The following PRRC2B variants were observed in gnomAD, a reference collection of about 807,000 sequenced individuals.
PRRC2B encodes proline rich coiled-coil 2B.
A neutral mutation model predicts 242.3 loss-of-function variants in PRRC2B; 68 were observed. The ratio of observed to expected loss-of-function variants is 0.28; its 90% CI spans 0.23 to 0.34. The LOEUF is 0.34. Among genes scored for constraint, PRRC2B ranks in the 10% least tolerant of loss-of-function variants. The pLI is 1.00. For missense variants in PRRC2B, 2,835 were observed against 2,954.8 expected, an observed-to-expected ratio of 0.96 and a Z score of 0.94; for synonymous variants, 1,228 against 1,173.6, an observed-to-expected ratio of 1.05 and a Z score of -0.95.
At chr9:131,422,475 G>A (rs1221155126) in intron 1 of PRRC2B, among the ~76,000 whole-genome samples, 4 of 152,190 alleles carry the variant, frequency 2.6e-5, no homozygotes, top group African/African-American at 9.6e-5. Flanking sequence ...GGCTTAGCAG[G>A]GTGCCTGGCC....
At chr9:131,424,532 G>A (rs1588243512) in intron 1 of PRRC2B, among the ~76,000 whole-genome samples, 2 of 151,956 alleles carry the variant, frequency 1.3e-5, no homozygotes, top group East Asian at 1.9e-4. Flanking sequence ...ACTAAAATAC[G>A]AAAATTAGCT....
At chr9:131,455,216 T>G (rs41306716) in intron 10 of PRRC2B, 50 bp downstream of exon 10, 14,151 of 1,298,826 alleles carry the variant, frequency 0.011, 171 homozygotes, top group Non-Finnish European at 0.01. Flanking sequence ...CTGCTTAGTG[T>G]TGTTGTGTAC....
intron 23 of PRRC2B, among the ~76,000 whole-genome samples, 156 bp from the exon 24 acceptor site, chr9:131,484,530 T>C (rs547917551): frequency 8.5e-5 from 13 of 152,186 alleles, no homozygotes; most frequent in African/African-American, 2.9e-4. Flanking sequence ...GACACGGAGC[T>C]GTAGGTGCTT....
At chr9:131,431,915 T>A (rs954787347) in intron 2 of PRRC2B, among the ~76,000 whole-genome samples, 2 of 152,076 alleles carry the variant, frequency 1.3e-5, no homozygotes, top group Non-Finnish European at 2.9e-5. Context: ...AATTTTGTTT[T>A]AAAATTTATT....
chr9:131,476,101 C>A lies in PRRC2B; in HGVS notation c.3972C>A (p.Gly1324=). 1 of 1,609,806 alleles carries A rather than the reference C, an allele frequency of 6.2e-7. No homozygotes were observed. Among genetic ancestry groups the A allele is most frequent in the Non-Finnish European group, 8.5e-7 (1 of 1,177,580 alleles). The change falls in exon 16 of 32, where the codon GGC becomes GGA. Residue 1324 remains glycine (G), a synonymous_variant. Transcript: ENST00000683519. The part of the protein sequence containing the change: ...RRLRQERESL[G]LWGPEEEPHL... ...TCCGGCAAGAGCGGGAGTCCCTGGG[C>A]CTGTGGGGACCCGAGGAGGAGCCCC...
intron 1 of PRRC2B, among the ~76,000 whole-genome samples, chr9:131,400,961 TTC>T (rs1282796258): frequency 2.0e-5 from 3 of 149,714 alleles, no homozygotes; most frequent in African/African-American, 7.5e-5. Flanking sequence ...GTTTCTTTCT[TTC>T]TTTTTTTTTT....
intron 11 of PRRC2B, among the ~76,000 whole-genome samples, chr9:131,464,302 G>A (rs973668370): frequency 2.0e-5 from 3 of 152,142 alleles, no homozygotes; most frequent in Non-Finnish European, 4.4e-5. Context: ...CATTTTCCTA[G>A]GGCTCTTTCT....
At chr9:131,420,500 T>TCTTTCTTTTCTTTC (rs1380661357) in intron 1 of PRRC2B, among the ~76,000 whole-genome samples, 1 of 96,346 alleles carries the variant, frequency 1.0e-5, no homozygotes, top group Non-Finnish European at 2.2e-5. Context: ...TTTCTTTTTT[T>TCTTTCTTTTCTTTC]TTTTTTTTTT....
intron 1 of PRRC2B, among the ~76,000 whole-genome samples, chr9:131,398,928 T>G (rs574647259): frequency 6.6e-6 from 1 of 151,308 alleles, no homozygotes; most frequent in South Asian, 2.1e-4. Flanking sequence ...CAGTGAGCCG[T>G]GATCATGCCA....
rs181729285 is a variant in PRRC2B at position 131,472,049 on chromosome 9, C to T, written c.2107+1066C>T. On this transcript the variant is annotated intron_variant, in intron 14 of 31. Coordinates refer to ENST00000683519, the MANE Select transcript of PRRC2B (RefSeq NM_013318.4). ...AATTTCTGTATCTTGTTCCTTTTAT[C>T]CTTATGTAGTACCTTTGTTGTCATT... Among the ~76,000 whole-genome samples the T allele has an allele frequency of 2.0e-5, 3 of 152,246 alleles. No individual in the cohort carries two copies. In the East Asian group the frequency reaches 5.8e-4, roughly 29 times the overall value.
At chr9:131,403,857 C>T (rs1252542565) in intron 1 of PRRC2B, among the ~76,000 whole-genome samples, 3 of 152,000 alleles carry the variant, frequency 2.0e-5, no homozygotes, top group African/African-American at 4.8e-5. Context: ...TATTGTATTG[C>T]AACTTGGCAT....
chr9:131,425,237 C>T lies in PRRC2B; in HGVS notation c.-51-4857C>T, dbSNP rs112955769. The stretch of plus-strand genomic sequence containing the variant: ...CTGACCTCAGGTGATCCTCTCGCCT[C>T]GGCCTCCCAAAGTGCTGGGATTACA... On this transcript the variant is annotated intron_variant, in intron 1 of 31. Transcript: ENST00000683519. Among the ~76,000 whole-genome samples the T allele has an allele frequency of 8.4e-3, 1,275 of 152,258 alleles. 17 individuals are homozygous for T. The highest frequency in any genetic ancestry group is 0.027 in the African/African-American group (1,141 of 41,544).
intron 28 of PRRC2B, among the ~76,000 whole-genome samples, chr9:131,489,853 A>G (rs1016740058): frequency 3.4e-5 from 5 of 145,786 alleles, no homozygotes; most frequent in African/African-American, 1.0e-4. Context: ...CCCGCCCCCC[A>G]CACCCCTCGA....
Position 131,470,866 on chromosome 9 carries a change from C to A in PRRC2B, c.1990C>A (p.His664Asn), listed in dbSNP as rs200859755. 20 of 1,609,160 alleles carry A rather than the reference C, an allele frequency of 1.2e-5. No homozygotes were observed. In the African/African-American group the frequency reaches 1.7e-4, roughly 14 times the overall value. The change falls in exon 14 of 32, where the codon CAC (histidine) becomes AAC (asparagine). Residue 664 changes from histidine to asparagine, a missense_variant. By Grantham distance (68) the His-to-Asn change is moderately conservative. Transcript: ENST00000683519. Reference protein sequence around the residue: ...SHPQRTFYPHHPQMLGFDPRW... With the variant: ...SHPQRTFYPHNPQMLGFDPRW... ...CCCCCAGCGCACCTTTTACCCACAC[C>A]ACCCCCAGATGTTGGGCTTCGATCC...
At chr9:131,417,016 T>A (rs561965238) in intron 1 of PRRC2B, among the ~76,000 whole-genome samples, 1 of 152,214 alleles carries the variant, frequency 6.6e-6, no homozygotes, top group East Asian at 1.9e-4. Context: ...TGTCTGTCTT[T>A]TAGTTGGTCA....
At chr9:131,489,256 C>A (rs1400987165) in intron 28 of PRRC2B, among the ~76,000 whole-genome samples, 2 of 150,348 alleles carry the variant, frequency 1.3e-5, no homozygotes, top group Admixed American at 6.6e-5. Flanking sequence ...GCAATCTCGG[C>A]TCACTGCAAC....
chr9:131,483,433 C>T lies in PRRC2B; in HGVS notation c.5448C>T (p.Ala1816=), dbSNP rs376974037. 3 of 1,613,866 alleles carry T rather than the reference C, an allele frequency of 1.9e-6. No homozygotes were observed. The highest frequency in any genetic ancestry group is 1.3e-5 in the African/African-American group (1 of 75,026). Reference sequence around the variant, plus strand: ...GTCCAGTTGTTAAACTTCAGGATGCCTTGGCCAGTAATGTAAGTCCACACT... The same window carrying T: ...GTCCAGTTGTTAAACTTCAGGATGCTTTGGCCAGTAATGTAAGTCCACACT... ...TGSPVVKLQD[A]LASNAGLTQS... is the part of the protein sequence containing the mutation. Residue 1816 remains alanine (A), a synonymous_variant, in exon 23 of 32, where the codon GCC becomes GCT. Coordinates refer to ENST00000683519, the MANE Select transcript of PRRC2B (RefSeq NM_013318.4).
chr9:131,403,904 T>C (rs558599034), intron 1 of PRRC2B, among the ~76,000 whole-genome samples: 1 of 152,288 alleles, frequency 6.6e-6, no homozygotes, highest in African/African-American at 2.4e-5. Context: ...TACGTATTTT[T>C]AAGCGTAACT....
chr9:131,435,579 C>T (rs1211062592), intron 3 of PRRC2B, among the ~76,000 whole-genome samples: 1 of 150,170 alleles, frequency 6.7e-6, no homozygotes, highest in African/African-American at 2.5e-5. Flanking sequence ...CATGCCACTG[C>T]ACTGCAACCT....
Sources: gnomAD v4.1 joint callset for allele counts (sites outside exome capture counted in the v4.1 genomes callset) on GRCh38, gnomAD v4.1.1 for gene constraint, MANE v1.5 for transcripts, NCBI Gene and HGNC (gene_info 2026-07-23, HGNC 2026-07-21) for gene names.